The following KLF12 variants were observed in gnomAD, a reference collection of about 807,000 sequenced individuals.
The protein encoded by KLF12 is Krueppel-like factor 12.
A neutral mutation model predicts 37.8 loss-of-function variants in KLF12; 9 were observed. The ratio of observed to expected loss-of-function variants is 0.24; its 90% CI spans 0.14 to 0.42. The LOEUF is 0.42. Among genes scored for constraint, KLF12 ranks in the 10% least tolerant of loss-of-function variants. The probability of loss-of-function intolerance (pLI) is 1.00; values close to 1 mark genes in which losing one functional copy is unlikely to be tolerated. For missense variants in KLF12, 411 were observed against 516.0 expected (o/e 0.80, Z 1.97); for synonymous variants, 208 against 202.1 (o/e 1.03, Z -0.25).
chr13:73,909,964 A>G (rs1295104552), intron 3 of KLF12, among the ~76,000 whole-genome samples: 1 of 152,040 alleles, frequency 6.6e-6, no homozygotes, highest in Non-Finnish European at 1.5e-5. Context: ...TTATACTTTC[A>G]AACGTTATTT....
At chr13:74,204,449 A>G in the KLF12 span, among the ~76,000 whole-genome samples, 1 of 152,168 alleles carries the variant, frequency 6.6e-6, no homozygotes, top group Non-Finnish European at 1.5e-5. Flanking sequence ...ACCTTTGTTA[A>G]TAAATGCAAA....
At chr13:73,937,524 AACT>A (rs1235115816) in intron 3 of KLF12, among the ~76,000 whole-genome samples, 3 of 152,228 alleles carry the variant, frequency 2.0e-5, no homozygotes, top group African/African-American at 7.2e-5. Flanking sequence ...CATTCTCTTC[AACT>A]AATGAGACTG....
At chr13:74,128,425 C>T (rs560169473) in intron 1 of KLF12, among the ~76,000 whole-genome samples, 7 of 152,206 alleles carry the variant, frequency 4.6e-5, no homozygotes, top group Non-Finnish European at 8.8e-5. Flanking sequence ...CACACAAGAA[C>T]TTTGTAGTTT....
chr13:74,277,980 A>G, the KLF12 span, among the ~76,000 whole-genome samples: 1 of 152,138 alleles, frequency 6.6e-6, no homozygotes, highest in African/African-American at 2.4e-5. Context: ...GATGGAGACA[A>G]GGGTAGGAGG....
chr13:74,013,573 A>T (rs1163690405), intron 1 of KLF12, among the ~76,000 whole-genome samples: 1 of 152,222 alleles, frequency 6.6e-6, no homozygotes, highest in Admixed American at 6.5e-5. Context: ...AGTTCATGAT[A>T]TGTGTTGTAC....
intron 3 of KLF12, among the ~76,000 whole-genome samples, chr13:73,852,631 G>C (rs957287804): frequency 6.6e-6 from 1 of 151,900 alleles, no homozygotes; most frequent in African/African-American, 2.4e-5. Flanking sequence ...ACAAAAATTA[G>C]CCGGGCGTGG....
the KLF12 span, among the ~76,000 whole-genome samples, chr13:74,143,134 C>T: frequency 1.3e-5 from 2 of 151,088 alleles, no homozygotes; most frequent in Non-Finnish European, 3.0e-5. Context: ...TCCTCCTCGT[C>T]CTATTCCGTC....
intron 2 of KLF12, among the ~76,000 whole-genome samples, chr13:73,976,864 C>T (rs556924436): frequency 1.3e-5 from 2 of 151,872 alleles, no homozygotes; most frequent in Non-Finnish European, 2.9e-5. Flanking sequence ...GTTATGAAGT[C>T]AAAATTTTTA....
chr13:74,161,825 C>T, the KLF12 span, among the ~76,000 whole-genome samples: 8 of 152,142 alleles, frequency 5.3e-5, no homozygotes, highest in South Asian at 2.1e-4. Flanking sequence ...GCTCCATATA[C>T]GTAAGCAAAT....
chr13:74,149,628 C>T, the KLF12 span, among the ~76,000 whole-genome samples: 2 of 152,154 alleles, frequency 1.3e-5, no homozygotes, highest in Non-Finnish European at 2.9e-5. Flanking sequence ...ATGGACTCTT[C>T]TCAGGGTACT....
chr13:73,835,289 C>T (rs1884373155), intron 4 of KLF12, among the ~76,000 whole-genome samples: 1 of 151,998 alleles, frequency 6.6e-6, no homozygotes, highest in Non-Finnish European at 1.5e-5. Context: ...ACTAGATTAC[C>T]TAGAGTTCTC....
At chr13:74,286,580 A>G in the KLF12 span, among the ~76,000 whole-genome samples, 1 of 152,222 alleles carries the variant, frequency 6.6e-6, no homozygotes, top group South Asian at 2.1e-4. Context: ...AAGTAGGGAT[A>G]GCCTTCATAT....
At chr13:73,996,643 C>T (rs1300703482) in intron 1 of KLF12, among the ~76,000 whole-genome samples, 2 of 152,156 alleles carry the variant, frequency 1.3e-5, no homozygotes, top group Non-Finnish European at 2.9e-5. Context: ...ACTTTTATTA[C>T]GAATCACACA....
the KLF12 span, among the ~76,000 whole-genome samples, chr13:74,206,999 A>G: frequency 3.9e-5 from 6 of 152,182 alleles, no homozygotes; most frequent in African/African-American, 9.7e-5. Context: ...ATGAACAGAA[A>G]TTTATTGGCT....
chr13:73,742,006 G>A (rs192766548), intron 6 of KLF12, among the ~76,000 whole-genome samples: 240 of 121,150 alleles, frequency 2.0e-3, no homozygotes, highest in African/African-American at 6.2e-3. Flanking sequence ...AGTCACTCAC[G>A]TTGACCTTTT....
the KLF12 span, among the ~76,000 whole-genome samples, chr13:74,189,181 T>A: frequency 3.3e-5 from 5 of 152,302 alleles, no homozygotes; most frequent in East Asian, 9.6e-4. Flanking sequence ...ATTGTTTCAG[T>A]GAACACATTT....
At chr13:74,243,935 T>C in the KLF12 span, among the ~76,000 whole-genome samples, 1 of 152,184 alleles carries the variant, frequency 6.6e-6, no homozygotes, top group Non-Finnish European at 1.5e-5. Flanking sequence ...CAAAAGACAA[T>C]TGTGATCTGT....
intron 1 of KLF12, among the ~76,000 whole-genome samples, chr13:74,127,949 T>C (rs1277783181): frequency 2.0e-5 from 3 of 152,188 alleles, no homozygotes; most frequent in East Asian, 1.9e-4. Context: ...ATAATTCTAT[T>C]TTTAAAATTA....
intron 7 of KLF12, among the ~76,000 whole-genome samples, chr13:73,708,431 A>T (rs997804474): frequency 2.9e-4 from 44 of 152,192 alleles, no homozygotes; most frequent in African/African-American, 9.4e-4. Context: ...CTTTTAAAAA[A>T]TTCATCATTA....
Sources: gnomAD v4.1 joint callset for allele counts (sites outside exome capture counted in the v4.1 genomes callset) on GRCh38, gnomAD v4.1.1 for gene constraint, MANE v1.5 for transcripts, NCBI Gene and HGNC (gene_info 2026-07-23, HGNC 2026-07-21) for gene names.